Variants in ZBTB2 observed in about 807,000 individuals in gnomAD.
ZBTB2 encodes zinc finger and BTB domain containing 2, also known as zinc finger and BTB domain-containing protein 2.
In ZBTB2, 2 loss-of-function variants were observed where a neutral mutation model predicts 39.5. The observed-to-expected ratio is 0.05, with a 90% CI of 0.02 to 0.16. The LOEUF (loss-of-function observed/expected upper bound fraction) is 0.16, where lower values mean the gene tolerates loss of function less well. Among genes scored for constraint, ZBTB2 ranks in the 10% least tolerant of loss-of-function variants. ZBTB2 has a pLI of 1.00. For missense variants in ZBTB2, 391 were observed against 653.0 expected (o/e 0.60, Z 4.37); for synonymous variants, 251 against 256.6 (o/e 0.98, Z 0.21).
Position 151,384,593 on chromosome 6 carries a change from A to C in ZBTB2, c.-13+6827T>G, listed in dbSNP as rs75825408. 5.7e-3 allele frequency among the ~76,000 whole-genome samples: 861 copies of C among 152,344 alleles called. 5 individuals carry two copies. Among genetic ancestry groups the C allele is most frequent in the African/African-American group, 0.019 (809 of 41,574 alleles). ...TCCAAGATGACTTCCTAGACTTCTTATTTGTATAACCGCATAGATCTTGGT... is the reference window on the plus strand; with the variant it reads ...TCCAAGATGACTTCCTAGACTTCTTCTTTGTATAACCGCATAGATCTTGGT... On this transcript the variant is annotated intron_variant, in intron 1 of 2. Coordinates refer to ENST00000325144, the MANE Select transcript of ZBTB2 (RefSeq NM_020861.3).
intron 1 of ZBTB2, among the ~76,000 whole-genome samples, chr6:151,382,482 C>T (rs1029555526): frequency 1.1e-4 from 17 of 151,118 alleles, no homozygotes; most frequent in African/African-American, 3.4e-4. Context: ...TTCGAACTCC[C>T]GACCTCAGAT....
intron 1 of ZBTB2, among the ~76,000 whole-genome samples, chr6:151,390,367 C>T (rs1779260366): frequency 6.7e-6 from 1 of 150,078 alleles, no homozygotes; most frequent in Admixed American, 6.6e-5. Context: ...TCCCCGTCCC[C>T]GAGGGGCTGA....
intron 1 of ZBTB2, among the ~76,000 whole-genome samples, chr6:151,382,428 T>C (rs574628282): frequency 3.6e-4 from 55 of 152,118 alleles, no homozygotes; most frequent in African/African-American, 1.2e-3. Context: ...GCTAATTTTG[T>C]ATTTTTAGTA....
At chr6:151,383,502 C>T (rs746855296) in intron 1 of ZBTB2, among the ~76,000 whole-genome samples, 17 of 152,132 alleles carry the variant, frequency 1.1e-4, no homozygotes, top group Middle Eastern at 3.2e-3. Flanking sequence ...TTTGGGACTT[C>T]TGGATAAGCT....
intron 1 of ZBTB2, among the ~76,000 whole-genome samples, chr6:151,380,124 G>A (rs1466757694): frequency 8.0e-5 from 12 of 150,918 alleles, no homozygotes; most frequent in Non-Finnish European, 1.6e-4. Flanking sequence ...GAATACATGC[G>A]CATGACCAGA....
intron 2 of ZBTB2, among the ~76,000 whole-genome samples, chr6:151,367,625 A>G (rs1778679020): frequency 6.6e-6 from 1 of 152,178 alleles, no homozygotes; most frequent in African/African-American, 2.4e-5. Context: ...TAAGAGGTGG[A>G]GCTGGTATTT....
intron 1 of ZBTB2, among the ~76,000 whole-genome samples, chr6:151,374,536 G>C (rs1482899965): frequency 6.6e-6 from 1 of 152,004 alleles, no homozygotes; most frequent in African/African-American, 2.4e-5. Context: ...TTTCCACAAA[G>C]AGCATTTATA....
Position 151,366,051 on chromosome 6 carries a change from G to T in ZBTB2, c.1015C>A (p.Pro339Thr). 6.2e-7 allele frequency: 1 copy of T among 1,614,174 alleles called. No individual in the cohort carries two copies. The highest frequency in any genetic ancestry group is 8.5e-7 in the Non-Finnish European group (1 of 1,180,038). Residue 339 changes from proline to threonine, a missense_variant, in exon 3 of 3, where the codon CCC (proline) becomes ACC (threonine). Pro to Thr is a conservative substitution (Grantham distance 38, BLOSUM62 -1). Around this residue, in one of 7 missense-constraint regions of ZBTB2, gnomAD observed 80 missense variants for 125.2 expected, o/e 0.64. Coordinates refer to ENST00000325144, the MANE Select transcript of ZBTB2 (RefSeq NM_020861.3). The surrounding 1 kb of genome is among the most constrained non-coding windows in gnomAD (Gnocchi z 7.1). ...IDGQQQSETP[P>T]PSDIADIDNL... ...TCAATGTCAGCAATGTCTGAGGGGGGTGGGGTTTCCGACTGCTGCTGCCCA... is the reference window on the plus strand; with the variant it reads ...TCAATGTCAGCAATGTCTGAGGGGGTTGGGGTTTCCGACTGCTGCTGCCCA...
At chr6:151,378,954 G>A (rs1193925488) in intron 1 of ZBTB2, among the ~76,000 whole-genome samples, 4 of 152,210 alleles carry the variant, frequency 2.6e-5, no homozygotes, top group African/African-American at 9.7e-5. Context: ...GAGAGGGTAG[G>A]TGGCTTGCCC....
chr6:151,389,322 C>T (rs748428670), intron 1 of ZBTB2, among the ~76,000 whole-genome samples: 1 of 152,118 alleles, frequency 6.6e-6, no homozygotes, highest in Non-Finnish European at 1.5e-5. Flanking sequence ...ATCCTGGATA[C>T]ACAACAAGAT....
At chr6:151,387,173 A>C (rs1379526084) in intron 1 of ZBTB2, among the ~76,000 whole-genome samples, 1 of 152,212 alleles carries the variant, frequency 6.6e-6, no homozygotes, top group East Asian at 1.9e-4. Context: ...CTACTTTCTT[A>C]AAAGTTGGTT....
intron 1 of ZBTB2, among the ~76,000 whole-genome samples, chr6:151,375,122 AAAAACAAAAC>A (rs1240181754): frequency 1.3e-5 from 2 of 152,096 alleles, no homozygotes; most frequent in African/African-American, 4.8e-5. Flanking sequence ...TCCATCTCAA[AAAAACAAAAC>A]AAAACAAAAC....
chr6:151,372,555 T>A (rs1167746837), intron 2 of ZBTB2, among the ~76,000 whole-genome samples: 1 of 151,832 alleles, frequency 6.6e-6, no homozygotes, highest in African/African-American at 2.4e-5. Context: ...GAGTGGGAAC[T>A]CCCAGCATGA....
chr6:151,370,856 C>A (rs938855486), intron 2 of ZBTB2, among the ~76,000 whole-genome samples: 15 of 152,212 alleles, frequency 9.9e-5, no homozygotes, highest in Non-Finnish European at 2.1e-4. Flanking sequence ...AAGCTGGCCA[C>A]TAGGCATGTG....
At position 151,364,841 on chromosome 6, in the gene ZBTB2, A is replaced by G. The variant is rs1484006014; in HGVS notation, c.*680T>C. The stretch of plus-strand genomic sequence containing the variant: ...ATGTGCATTAATTCACCTGTTTATT[A>G]GCAAGTACCCACACATTTTTCTCTT... On this transcript the variant is annotated 3_prime_UTR_variant, in exon 3 of 3. Coordinates refer to ENST00000325144, the MANE Select transcript of ZBTB2 (RefSeq NM_020861.3). The G allele has an allele frequency of 6.6e-6, 1 of 152,592 alleles. No homozygotes were observed. The highest frequency in any genetic ancestry group is 1.9e-4 in the East Asian group (1 of 5,196). The allele number at this position is 152,592 out of a possible 1,614,324, so 9.5% of individuals were successfully genotyped here.
chr6:151,373,870 A>ACAAAAC (rs1374107838), intron 1 of ZBTB2, among the ~76,000 whole-genome samples: 2,539 of 123,576 alleles, frequency 0.021, 68 homozygotes, highest in Middle Eastern at 0.04. Flanking sequence ...AAAAAAAAAA[A>ACAAAAC]AAAAAAACCA....
intron 1 of ZBTB2, among the ~76,000 whole-genome samples, chr6:151,389,916 TTC>T (rs1779245980): frequency 6.6e-6 from 1 of 151,834 alleles, no homozygotes. Context: ...GGCTAAAAAG[TTC>T]TCTCTTGCGG....
At chr6:151,387,120 T>C (rs1390000191) in intron 1 of ZBTB2, among the ~76,000 whole-genome samples, 1 of 152,220 alleles carries the variant, frequency 6.6e-6, no homozygotes, top group African/African-American at 2.4e-5. Flanking sequence ...TTTCAGGTAA[T>C]TGTGGACAGT....
At chr6:151,368,308 G>A (rs1334058687) in intron 2 of ZBTB2, among the ~76,000 whole-genome samples, 3 of 151,934 alleles carry the variant, frequency 2.0e-5, no homozygotes, top group African/African-American at 4.8e-5. Context: ...CACCACACCC[G>A]GCTAATTTCT....
Sources: gnomAD v4.1 joint callset for allele counts (sites outside exome capture counted in the v4.1 genomes callset) on GRCh38, gnomAD v4.1.1 for gene constraint, gnomAD v4.1.1 regional missense constraint, Gnocchi (gnomAD v3.1) non-coding constraint, MANE v1.5 for transcripts, NCBI Gene and HGNC (gene_info 2026-07-23, HGNC 2026-07-21) for gene names.